The following RBM27 variants were observed in gnomAD, a reference collection of about 807,000 sequenced individuals.
RBM27 encodes the protein RNA binding motif protein 27.
RBM27 carries 22 observed loss-of-function variants against 135.3 expected under a neutral mutation model. The observed-to-expected ratio is 0.16, with a 90% CI of 0.12 to 0.23. The LOEUF (loss-of-function observed/expected upper bound fraction) is 0.23, where lower values mean the gene tolerates loss of function less well. Ranked by LOEUF, RBM27 falls within the 10% of genes least tolerant of loss-of-function variation. RBM27 has a pLI of 1.00. For synonymous variants in RBM27, 481 were observed against 442.4 expected (o/e 1.09, Z -1.10); for missense variants, 1,009 against 1,281.0 (o/e 0.79, Z 3.24).
chr5:146,242,786 C>T (rs1281554572), intron 8 of RBM27, among the ~76,000 whole-genome samples: 1 of 151,722 alleles, frequency 6.6e-6, no homozygotes, highest in Non-Finnish European at 1.5e-5. Flanking sequence ...TTAGTAAAGA[C>T]AGGGTTTCAC....
intron 19 of RBM27, among the ~76,000 whole-genome samples, chr5:146,282,662 C>T (rs758556971): frequency 1.1e-4 from 16 of 152,118 alleles, no homozygotes; most frequent in Non-Finnish European, 2.1e-4. Context: ...CATGCTAATA[C>T]TACACTATTT....
chr5:146,212,488 ATAGGTGCATGCCACCACAC>A (rs1756009208), intron 1 of RBM27, among the ~76,000 whole-genome samples: 1 of 152,028 alleles, frequency 6.6e-6, no homozygotes, highest in Non-Finnish European at 1.5e-5. Context: ...AGCTGGGACT[ATAGGTGCATGCCACCACAC>A]CAGGCTAATT....
chr5:146,250,928 C>G (rs1247937607), intron 8 of RBM27, among the ~76,000 whole-genome samples: 5 of 151,848 alleles, frequency 3.3e-5, no homozygotes, highest in Admixed American at 1.3e-4. Flanking sequence ...AGGTGCCCAC[C>G]ACGACGCCCA....
At chr5:146,218,520 G>A (rs1402965657) in intron 1 of RBM27, among the ~76,000 whole-genome samples, 8 of 152,284 alleles carry the variant, frequency 5.3e-5, no homozygotes, top group Middle Eastern at 6.8e-3. Context: ...AGGGCTGATA[G>A]CCATTTTTAG....
At chr5:146,235,601 T>C (rs1206082797) in intron 7 of RBM27, among the ~76,000 whole-genome samples, 1 of 152,108 alleles carries the variant, frequency 6.6e-6, no homozygotes, top group African/African-American at 2.4e-5. Context: ...GGTAAATGTT[T>C]GGAGGGATTT....
chr5:146,281,792 C>T (rs1759361959), intron 19 of RBM27, among the ~76,000 whole-genome samples: 1 of 152,112 alleles, frequency 6.6e-6, no homozygotes, highest in Non-Finnish European at 1.5e-5. Flanking sequence ...AGTTTTATCA[C>T]CTAAATATGC....
At chr5:146,264,546 A>G (rs531201521) in intron 14 of RBM27, among the ~76,000 whole-genome samples, 3 of 151,652 alleles carry the variant, frequency 2.0e-5, no homozygotes, top group Non-Finnish European at 4.4e-5. Flanking sequence ...AGTGAAGGGT[A>G]TTCTGTCATA....
At chr5:146,266,002 A>G (rs1758598651) in intron 14 of RBM27, among the ~76,000 whole-genome samples, 1 of 152,240 alleles carries the variant, frequency 6.6e-6, no homozygotes, top group South Asian at 2.1e-4. Flanking sequence ...TCTAGAAATA[A>G]TGACCAGCCC....
At chr5:146,238,416 G>A (rs2126779029) in intron 8 of RBM27, among the ~76,000 whole-genome samples, 1 of 152,306 alleles carries the variant, frequency 6.6e-6, no homozygotes, top group Admixed American at 6.5e-5. Flanking sequence ...GCTGAGGCAG[G>A]AGAATCACTT....
At chr5:146,280,010 A>G (rs1466154763) in intron 19 of RBM27, among the ~76,000 whole-genome samples, 1 of 151,868 alleles carries the variant, frequency 6.6e-6, no homozygotes, top group Non-Finnish European at 1.5e-5. Flanking sequence ...TGCATTCCAA[A>G]CCTTGCCTTT....
At chr5:146,277,275 T>G (rs1759130879) in intron 19 of RBM27, among the ~76,000 whole-genome samples, 1 of 152,202 alleles carries the variant, frequency 6.6e-6, no homozygotes, top group East Asian at 1.9e-4. Flanking sequence ...ATCTGTCATA[T>G]GTATACATAC....
Position 146,203,625 on chromosome 5 carries a change from C to CG in RBM27, c.-136dup, listed in dbSNP as rs1397104098. 1 of 730,620 alleles carries CG rather than the reference C, an allele frequency of 1.4e-6. No individual in the cohort carries two copies. 45.3% of individuals were successfully genotyped at this position (730,620 alleles called of 1,614,324 possible). A position where few individuals can be genotyped will look rare whatever the true frequency, so the allele number is the denominator to read the frequency against. On this transcript the variant is annotated 5_prime_UTR_variant, in exon 1 of 21. Coordinates refer to ENST00000265271, the MANE Select transcript of RBM27 (RefSeq NM_018989.2). ...GGGTTAGTTCCTGTTAGGCCCCGGC[C>CG]GGGGGAGTAGGTTGAAGTCTCCTAA...
At chr5:146,245,322 A>G (rs1041738297) in intron 8 of RBM27, 6 of 152,178 alleles carry the variant, frequency 3.9e-5, no homozygotes, top group African/African-American at 1.4e-4. Flanking sequence ...TATTAAGTAA[A>G]GTACACTCTC....
At chr5:146,254,826 T>C in intron 9 of RBM27, 117 bp from the exon 10 acceptor site, 1 of 902,908 alleles carries the variant, frequency 1.1e-6, no homozygotes, top group Non-Finnish European at 1.6e-6. Context: ...TGACTGTAGG[T>C]TGATGTATTT....
At position 146,256,730 on chromosome 5, in the gene RBM27, T is replaced by G. The variant is rs115921559; in HGVS notation, c.1594+1638T>G. On this transcript the variant is annotated intron_variant, in intron 10 of 20. Transcript: ENST00000265271. ...TAAAAACACTGAGGCTTAGAGAGGT[T>G]TAAAGAACTTGCCCAAAGTCACACA... Among the ~76,000 whole-genome samples the G allele has an allele frequency of 2.4e-3, 361 of 152,232 alleles. 1 individual carries two copies. Among genetic ancestry groups the G allele is most frequent in the African/African-American group, 8.1e-3 (337 of 41,538 alleles).
At chr5:146,241,366 G>C (rs1757401531) in intron 8 of RBM27, among the ~76,000 whole-genome samples, 1 of 152,150 alleles carries the variant, frequency 6.6e-6, no homozygotes. Flanking sequence ...CAGACACTAG[G>C]GAGCCAAGGT....
intron 19 of RBM27, among the ~76,000 whole-genome samples, chr5:146,279,807 CAAAAAAA>C (rs766177641): frequency 5.4e-5 from 3 of 55,244 alleles, no homozygotes; most frequent in Non-Finnish European, 7.4e-5. Context: ...GACTCTGTCT[CAAAAAAA>C]AAAAAAAAAA....
rs554377823 is a variant in RBM27, at chr5:146,243,579, A to G, written c.1279+6147A>G. On this transcript the variant is annotated intron_variant, in intron 8 of 20. Coordinates refer to ENST00000265271, the MANE Select transcript of RBM27 (RefSeq NM_018989.2). ...ACAGTTCTGGTCTCAAGCCTTTTGG[A>G]TATGGGATACTCAACTCGTACTATA... Among the ~76,000 whole-genome samples, 5 of 152,334 alleles carry G rather than the reference A, an allele frequency of 3.3e-5. No homozygotes were observed. In the South Asian group the frequency reaches 1.0e-3, roughly 32 times the overall value.
At position 146,282,654 on chromosome 5, in the gene RBM27, T is replaced by C. The variant is rs925446795; in HGVS notation, c.2989-1968T>C. Among the ~76,000 whole-genome samples the C allele has an allele frequency of 4.0e-5, 6 of 151,882 alleles. No individual in the cohort carries two copies. The East Asian group carries it at 1.2e-3, about 29-fold the overall frequency. On this transcript the variant is annotated intron_variant, in intron 19 of 20. Coordinates refer to ENST00000265271, the MANE Select transcript of RBM27 (RefSeq NM_018989.2). ...TATAGGAGAATGTGTGTAGATTACATGCTAATACTACACTATTTTATGTAA... is the reference window on the plus strand; with the variant it reads ...TATAGGAGAATGTGTGTAGATTACACGCTAATACTACACTATTTTATGTAA...
Sources: gnomAD v4.1 joint callset for allele counts (sites outside exome capture counted in the v4.1 genomes callset) on GRCh38, gnomAD v4.1.1 for gene constraint, MANE v1.5 for transcripts, NCBI Gene and HGNC (gene_info 2026-07-23, HGNC 2026-07-21) for gene names.